Variants in PTPN3 observed in about 807,000 individuals in gnomAD.
PTPN3 encodes the protein protein tyrosine phosphatase non-receptor type 3.
PTPN3 carries 96 observed loss-of-function variants against 132.7 expected under a neutral mutation model. That is an observed-to-expected ratio of 0.72 (90% confidence interval 0.61 to 0.86). The LOEUF (loss-of-function observed/expected upper bound fraction) is 0.86. Ranked by LOEUF, PTPN3 falls within the 40% of genes least tolerant of loss-of-function variation. PTPN3 has a pLI of 0.00. For missense variants in PTPN3, 1,125 were observed against 1,159.6 expected, an observed-to-expected ratio of 0.97 and a Z score of 0.43; for synonymous variants, 398 against 429.0, an observed-to-expected ratio of 0.93 and a Z score of 0.89.
chr9:109,445,324 C>G, intron 6 of PTPN3, 32 bp from the exon 7 acceptor site: 1 of 1,569,496 alleles, frequency 6.4e-7, no homozygotes, highest in Non-Finnish European at 8.8e-7. Context: ...AGCAAAGTCA[C>G]AAGAACCAAC....
intron 6 of PTPN3, among the ~76,000 whole-genome samples, chr9:109,448,426 C>T (rs1476735268): frequency 6.6e-6 from 1 of 152,066 alleles, no homozygotes; most frequent in Admixed American, 6.6e-5. Flanking sequence ...AAAAAGCCTC[C>T]CAGAGAGAAA....
At chr9:109,445,317 A>G in intron 6 of PTPN3, 25 bp from the exon 7 acceptor site, 1 of 1,600,758 alleles carries the variant, frequency 6.2e-7, no homozygotes, top group Non-Finnish European at 8.6e-7. Context: ...ACATATTAGC[A>G]AAGTCACAAG....
At chr9:109,461,204 C>T (rs933067454) in intron 2 of PTPN3, among the ~76,000 whole-genome samples, 1 of 152,148 alleles carries the variant, frequency 6.6e-6, no homozygotes, top group Admixed American at 6.5e-5. Context: ...TACAACCTTG[C>T]CAACAGACCC....
chr9:109,433,632 G>A (rs1261838670), intron 9 of PTPN3, among the ~76,000 whole-genome samples: 1 of 152,220 alleles, frequency 6.6e-6, no homozygotes, highest in Non-Finnish European at 1.5e-5. Context: ...TTGGCTGGGT[G>A]AGGTGGCTCA....
At chr9:109,454,419 A>T in intron 5 of PTPN3, 77 bp downstream of exon 5, 2 of 1,225,038 alleles carry the variant, frequency 1.6e-6, no homozygotes, top group Non-Finnish European at 1.2e-6. Context: ...TGGCCATAGT[A>T]ATAAAATGAA....
At chr9:109,431,280 T>G (rs1254399355) in intron 10 of PTPN3, among the ~76,000 whole-genome samples, 1 of 152,228 alleles carries the variant, frequency 6.6e-6, no homozygotes, top group Non-Finnish European at 1.5e-5. Context: ...AGTGACCTTG[T>G]GGGACCCACA....
intron 5 of PTPN3, chr9:109,451,502 C>T: frequency 1.4e-6 from 1 of 727,306 alleles, no homozygotes; most frequent in Non-Finnish European, 1.7e-6. Flanking sequence ...AGCCTCCACC[C>T]ACTGGCCACA....
chr9:109,390,806 A>C (rs965901227), intron 21 of PTPN3, among the ~76,000 whole-genome samples: 1 of 152,120 alleles, frequency 6.6e-6, no homozygotes, highest in African/African-American at 2.4e-5. Flanking sequence ...CATGGAGAGA[A>C]ATAGACAGTT....
In PTPN3 at chr9:109,375,803, T is replaced by A. The variant is rs1374338221; in HGVS notation, c.*3753A>T. ...CATTCCAAATATACAGAAAAAAGAT[T>A]ACTGCTCAGTTAAGGTCCTTTTCCA... On this transcript the variant is annotated 3_prime_UTR_variant, in exon 26 of 26. Coordinates refer to ENST00000374541, the MANE Select transcript of PTPN3 (RefSeq NM_002829.4). 1.3e-5 allele frequency: 2 copies of A among 152,298 alleles called. No individual in the cohort carries two copies. The highest frequency in any genetic ancestry group is 3.9e-4 in the East Asian group (2 of 5,186). The allele number at this position is 152,298 out of a possible 1,614,324, so 9.4% of individuals were successfully genotyped here. A position where few individuals can be genotyped will look rare whatever the true frequency, so the allele number is the denominator to read the frequency against.
intron 14 of PTPN3, among the ~76,000 whole-genome samples, chr9:109,411,244 C>T (rs920761664): frequency 1.3e-5 from 2 of 152,142 alleles, no homozygotes; most frequent in Non-Finnish European, 2.9e-5. Context: ...TTCTAACTCC[C>T]AGTTCACAGA....
chr9:109,462,168 G>C (rs1265016109), intron 2 of PTPN3, among the ~76,000 whole-genome samples: 5 of 152,202 alleles, frequency 3.3e-5, no homozygotes, highest in African/African-American at 1.2e-4. Context: ...CAGGCGAAGG[G>C]CCCAAACTTC....
the PTPN3 span, among the ~76,000 whole-genome samples, chr9:109,508,223 C>T: frequency 6.6e-6 from 1 of 151,448 alleles, no homozygotes; most frequent in South Asian, 2.1e-4. Context: ...TGCAGCGGCG[C>T]GATCTTGGCT....
chr9:109,531,584 A>G, the PTPN3 span, among the ~76,000 whole-genome samples: 1 of 152,210 alleles, frequency 6.6e-6, no homozygotes, highest in Non-Finnish European at 1.5e-5. Flanking sequence ...TTTAATCTTT[A>G]AAATGAGAAT....
At chr9:109,384,854 G>A (rs960983104) in intron 22 of PTPN3, among the ~76,000 whole-genome samples, 12 of 152,188 alleles carry the variant, frequency 7.9e-5, no homozygotes, top group African/African-American at 2.9e-4. Flanking sequence ...CTGGAAAGCT[G>A]GAGTTAAGAA....
intron 1 of PTPN3, among the ~76,000 whole-genome samples, chr9:109,488,237 G>A (rs934363736): frequency 6.6e-6 from 1 of 151,592 alleles, no homozygotes; most frequent in Admixed American, 6.6e-5. Flanking sequence ...GAGTAGCTGC[G>A]ACTACAGGCA....
At chr9:109,382,256 C>T (rs751626193) in intron 24 of PTPN3, 46 bp downstream of exon 24, 11 of 1,597,202 alleles carry the variant, frequency 6.9e-6, no homozygotes, top group South Asian at 3.4e-5. Context: ...AGGCCTTTTC[C>T]GACAGGGAAA....
chr9:109,510,323 C>T, the PTPN3 span, among the ~76,000 whole-genome samples: 10 of 151,832 alleles, frequency 6.6e-5, 1 homozygote, highest in South Asian at 2.1e-3. Flanking sequence ...CTTTGGGAGG[C>T]CAAGGCGGGC....
chr9:109,451,108 G>A, intron 5 of PTPN3: 1 of 971,650 alleles, frequency 1.0e-6, no homozygotes, highest in Non-Finnish European at 1.2e-6. Context: ...AGATGATCTG[G>A]CAGCTAGTCG....
chr9:109,380,034 A>T (rs1284217365), intron 25 of PTPN3, among the ~76,000 whole-genome samples: 1 of 152,138 alleles, frequency 6.6e-6, no homozygotes, highest in Admixed American at 6.5e-5. Context: ...GTGGGCTGGG[A>T]CCTGGTTGTG....
Sources: allele counts gnomAD v4.1 joint callset (sites outside exome capture counted in the v4.1 genomes callset), GRCh38; gene constraint gnomAD v4.1.1; transcripts MANE v1.5; gene names NCBI Gene and HGNC (gene_info 2026-07-23, HGNC 2026-07-21).